Variants in EYS observed in about 807,000 individuals in gnomAD.
The protein encoded by EYS is EGF-like photoreceptor maintenance factor.
EYS carries 250 observed loss-of-function variants against 282.1 expected under a neutral mutation model. The ratio of observed to expected loss-of-function variants is 0.89; its 90% CI spans 0.80 to 0.98. EYS has a LOEUF of 0.98. Ranked by LOEUF, EYS falls within the 50% of genes least tolerant of loss-of-function variation. The probability of loss-of-function intolerance (pLI) is 0.00; values close to 1 mark genes in which losing one functional copy is unlikely to be tolerated. For missense variants in EYS, 4,016 were observed against 3,709.0 expected (o/e 1.08, Z -2.15); for synonymous variants, 1,355 against 1,282.9 (o/e 1.06, Z -1.20).
At chr6:64,429,166 T>C (rs1471204664) in intron 28 of EYS, among the ~76,000 whole-genome samples, 1 of 152,198 alleles carries the variant, frequency 6.6e-6, no homozygotes, top group Non-Finnish European at 1.5e-5. Context: ...ACTAACAGTA[T>C]TAATAATAGC....
intron 2 of EYS, among the ~76,000 whole-genome samples, chr6:65,526,059 G>A (rs550592235): frequency 3.3e-5 from 5 of 152,280 alleles, no homozygotes; most frequent in African/African-American, 1.2e-4. Context: ...TCAGGGAGGC[G>A]TATCTGGTGA....
At chr6:65,000,505 C>CT (rs1174629453) in intron 13 of EYS, among the ~76,000 whole-genome samples, 1 of 152,180 alleles carries the variant, frequency 6.6e-6, no homozygotes, top group Admixed American at 6.5e-5. Context: ...AGGCAGGTGG[C>CT]TCACACTTGT....
At chr6:65,013,006 G>A (rs572836880) in intron 13 of EYS, among the ~76,000 whole-genome samples, 2 of 152,084 alleles carry the variant, frequency 1.3e-5, no homozygotes, top group South Asian at 4.1e-4. Context: ...TACATTTCTG[G>A]ATACTATTTT....
At chr6:65,223,622 T>C (rs114793433) in intron 12 of EYS, among the ~76,000 whole-genome samples, 78 of 152,304 alleles carry the variant, frequency 5.1e-4, no homozygotes, top group African/African-American at 1.8e-3. Context: ...TTTGCCTTTA[T>C]TGAGAATATT....
At position 63,721,125 on chromosome 6, in the gene EYS, T is replaced by A. The variant is rs1768366640; in HGVS notation, c.8906A>T (p.Asp2969Val). Residue 2969 changes from aspartate (D) to valine (V), a missense_variant, in exon 43 of 43, where the codon GAT (aspartate) becomes GTT (valine). By Grantham distance (152) the Asp-to-Val change is radical. Coordinates refer to ENST00000503581, the MANE Select transcript of EYS (RefSeq NM_001142800.2). ...FMGNSYIKYI[D>V]PNYRMRNLQF... The stretch of plus-strand genomic sequence containing the variant: ...GAGGTTTCTCATTCTATAATTTGGA[T>A]CAATGTATTTAATGTAAGAATTACC... 1.3e-6 allele frequency: 2 copies of A among 1,551,442 alleles called. No individual in the cohort carries two copies. The highest frequency in any genetic ancestry group is 1.7e-6 in the Non-Finnish European group (2 of 1,146,752).
chr6:64,125,404 C>CTT lies in EYS; in HGVS notation c.6425-43404_6425-43403dup, dbSNP rs527569208. ...TGCCCCGTTGTAAAAGAAAGGAGCA[C>CTT]TTTTTTTTTTTTAACCAGGCTTTCT... is the stretch of plus-strand genomic sequence containing the variant. On this transcript the variant is annotated intron_variant, in intron 31 of 42. Coordinates refer to ENST00000503581, the MANE Select transcript of EYS (RefSeq NM_001142800.2). Among the ~76,000 whole-genome samples the CTT allele has an allele frequency of 8.4e-3, 1,215 of 145,336 alleles. 15 individuals carry two copies. Among genetic ancestry groups the CTT allele is most frequent in the African/African-American group, 0.029 (1,159 of 39,960 alleles).
At chr6:63,963,154 A>T (rs1766156063) in intron 35 of EYS, among the ~76,000 whole-genome samples, 1 of 151,880 alleles carries the variant, frequency 6.6e-6, no homozygotes, top group Non-Finnish European at 1.5e-5. Flanking sequence ...GGATAGCATT[A>T]GGAGATATAC....
chr6:65,501,167 T>C (rs1193014535), intron 2 of EYS, among the ~76,000 whole-genome samples: 1 of 151,952 alleles, frequency 6.6e-6, no homozygotes, highest in Non-Finnish European at 1.5e-5. Context: ...CTGTAAGTAA[T>C]CTAGAATGGA....
At chr6:64,668,477 T>A (rs1769314070) in intron 22 of EYS, among the ~76,000 whole-genome samples, 1 of 152,060 alleles carries the variant, frequency 6.6e-6, no homozygotes, top group African/African-American at 2.4e-5. Flanking sequence ...TTTGCTCCTT[T>A]TTTAGTGTCT....
chr6:65,042,757 T>G (rs752253321), intron 13 of EYS, among the ~76,000 whole-genome samples: 1 of 151,476 alleles, frequency 6.6e-6, no homozygotes, highest in Non-Finnish European at 1.5e-5. Context: ...TTTTTCATTT[T>G]CAAAGACTTC....
intron 30 of EYS, among the ~76,000 whole-genome samples, chr6:64,234,153 G>A (rs1766513538): frequency 6.6e-6 from 1 of 152,120 alleles, no homozygotes; most frequent in Non-Finnish European, 1.5e-5. Flanking sequence ...AGTGTAAGGG[G>A]AAGAAAGGAT....
chr6:64,271,102 G>C (rs1002744732), intron 30 of EYS, among the ~76,000 whole-genome samples: 1 of 152,010 alleles, frequency 6.6e-6, no homozygotes, highest in Non-Finnish European at 1.5e-5. Context: ...TAGCAGTTAT[G>C]AACAATTACT....
chr6:64,451,489 A>T (rs1307617765), intron 26 of EYS, among the ~76,000 whole-genome samples: 1 of 152,104 alleles, frequency 6.6e-6, no homozygotes, highest in Non-Finnish European at 1.5e-5. Flanking sequence ...AAAAGAGGGA[A>T]TCCTCCCTAA....
At chr6:65,675,960 A>G (rs1396805050) in intron 1 of EYS, among the ~76,000 whole-genome samples, 1 of 151,890 alleles carries the variant, frequency 6.6e-6, no homozygotes, top group Non-Finnish European at 1.5e-5. Context: ...AAAATTTACA[A>G]TTATATGAAA....
chr6:65,284,497 T>C, intron 12 of EYS, among the ~76,000 whole-genome samples: 1 of 152,204 alleles, frequency 6.6e-6, no homozygotes, highest in Admixed American at 6.6e-5. Flanking sequence ...TTAATATCTA[T>C]TATAGTGAAT....
At chr6:65,398,211 G>A (rs1766362150) in intron 7 of EYS, among the ~76,000 whole-genome samples, 1 of 151,686 alleles carries the variant, frequency 6.6e-6, no homozygotes. Flanking sequence ...TAGTTTGTCT[G>A]TTTACTCTGG....
chr6:63,866,493 T>C (rs965067262), intron 35 of EYS, among the ~76,000 whole-genome samples: 5 of 152,202 alleles, frequency 3.3e-5, no homozygotes, highest in Non-Finnish European at 7.3e-5. Flanking sequence ...GCTTTAATCA[T>C]ATAAAGCTAA....
chr6:64,457,507 G>A (rs369164128), intron 26 of EYS, among the ~76,000 whole-genome samples: 4 of 151,892 alleles, frequency 2.6e-5, no homozygotes, highest in South Asian at 2.1e-4. Context: ...CTCTCCCTTC[G>A]TATCTATTGA....
chr6:65,317,130 T>C (rs1328650783), intron 11 of EYS, among the ~76,000 whole-genome samples: 2 of 152,170 alleles, frequency 1.3e-5, no homozygotes, highest in Non-Finnish European at 2.9e-5. Flanking sequence ...GATTTTGTCT[T>C]TTTTTAAATG....
Sources: gnomAD v4.1 joint callset for allele counts (sites outside exome capture counted in the v4.1 genomes callset) on GRCh38, gnomAD v4.1.1 for gene constraint, MANE v1.5 for transcripts, NCBI Gene and HGNC (gene_info 2026-07-23, HGNC 2026-07-21) for gene names.